The following RALYL variants were observed in gnomAD, a reference collection of about 807,000 sequenced individuals.
RALYL encodes RALY RNA binding protein like.
In RALYL, 29 loss-of-function variants were observed where a neutral mutation model predicts 35.1. The observed-to-expected ratio is 0.83, with a 90% CI of 0.61 to 1.13. The LOEUF (loss-of-function observed/expected upper bound fraction) is 1.13. Among genes scored for constraint, RALYL ranks in the 50% most tolerant of loss-of-function variants. RALYL has a pLI of 0.00. For missense variants in RALYL, 359 were observed against 360.4 expected, an observed-to-expected ratio of 1.00 and a Z score of 0.03; for synonymous variants, 120 against 127.6, an observed-to-expected ratio of 0.94 and a Z score of 0.40.
intron 1 of RALYL, among the ~76,000 whole-genome samples, chr8:84,243,573 G>A (rs2131592773): frequency 6.8e-6 from 1 of 146,538 alleles, no homozygotes; most frequent in Admixed American, 6.9e-5. Context: ...TTTCAATCTG[G>A]GAGGTATGCA....
intron 1 of RALYL, among the ~76,000 whole-genome samples, chr8:84,285,549 G>A (rs1169743561): frequency 6.6e-6 from 1 of 152,082 alleles, no homozygotes; most frequent in African/African-American, 2.4e-5. Flanking sequence ...AGGAGTACAG[G>A]GATGGTGGAG....
intron 1 of RALYL, among the ~76,000 whole-genome samples, chr8:84,460,134 T>C (rs532410443): frequency 6.6e-6 from 1 of 151,824 alleles, no homozygotes; most frequent in South Asian, 2.1e-4. Flanking sequence ...TATGAAAATC[T>C]TGAAAGGATA....
intron 1 of RALYL, among the ~76,000 whole-genome samples, chr8:84,225,358 G>A (rs553650325): frequency 2.6e-5 from 4 of 152,172 alleles, no homozygotes; most frequent in Admixed American, 6.5e-5. Context: ...CTTCCAAAAC[G>A]CAAATCAGAT....
chr8:84,378,916 G>C (rs547663755), intron 1 of RALYL, among the ~76,000 whole-genome samples: 2 of 151,794 alleles, frequency 1.3e-5, no homozygotes, highest in African/African-American at 4.8e-5. Flanking sequence ...TTCTAGTTCC[G>C]TATTTCTATA....
At chr8:84,376,599 C>G (rs1021508677) in intron 1 of RALYL, among the ~76,000 whole-genome samples, 1 of 151,634 alleles carries the variant, frequency 6.6e-6, no homozygotes, top group African/African-American at 2.4e-5. Context: ...CAAAACTGAG[C>G]CTCAAATTAC....
At chr8:84,882,685 G>A (rs533975607) in intron 7 of RALYL, among the ~76,000 whole-genome samples, 1 of 151,916 alleles carries the variant, frequency 6.6e-6, no homozygotes, top group African/African-American at 2.4e-5. Context: ...TAATAAAAAT[G>A]TTTCTGACCC....
At chr8:84,618,054 C>T (rs1258145858) in intron 2 of RALYL, among the ~76,000 whole-genome samples, 1 of 151,744 alleles carries the variant, frequency 6.6e-6, no homozygotes, top group African/African-American at 2.4e-5. Context: ...CTAAAATTCT[C>T]TTTTTTGGTT....
chr8:84,523,975 T>C (rs1282956318), intron 1 of RALYL, among the ~76,000 whole-genome samples: 7 of 152,136 alleles, frequency 4.6e-5, no homozygotes, highest in Non-Finnish European at 2.9e-5. Flanking sequence ...GCAATAAACA[T>C]ACATGTGCAT....
chr8:84,720,769 T>C (rs1464179208), intron 2 of RALYL, among the ~76,000 whole-genome samples: 7 of 151,910 alleles, frequency 4.6e-5, no homozygotes, highest in Non-Finnish European at 8.8e-5. Context: ...CCAAATTATA[T>C]GTAGAACTCA....
At position 84,372,886 on chromosome 8, in the gene RALYL, G is replaced by GTTTTTTTTTTTTTTT. The variant is rs76885544; in HGVS notation, c.-23-156398_-23-156384dup. ...TTTCTCCACAACCATGCCAGCATCTGTTTTTTTTTTTTTTTTTTTTTTTTT... is the reference window on the plus strand; with the variant it reads ...TTTCTCCACAACCATGCCAGCATCTGTTTTTTTTTTTTTTTTTTTTTTTTTTTTTTTTTTTTTTTT... On this transcript the variant is annotated intron_variant, in intron 1 of 8. Transcript: ENST00000521268. 7.8e-3 allele frequency among the ~76,000 whole-genome samples: 303 copies of GTTTTTTTTTTTTTTT among 39,078 alleles called. 18 individuals carry two copies. Among genetic ancestry groups the GTTTTTTTTTTTTTTT allele is most frequent in the Non-Finnish European group, 9.7e-3 (214 of 22,026 alleles). 25.6% of individuals were successfully genotyped at this position (39,078 alleles called of 152,430 possible).
intron 3 of RALYL, among the ~76,000 whole-genome samples, chr8:84,791,416 G>T (rs1476470290): frequency 6.6e-6 from 1 of 152,192 alleles, no homozygotes; most frequent in Non-Finnish European, 1.5e-5. Context: ...GATGTAAATG[G>T]AGGCACCAAA....
intron 2 of RALYL, among the ~76,000 whole-genome samples, chr8:84,689,216 T>C (rs1837489769): frequency 6.6e-6 from 1 of 152,164 alleles, no homozygotes; most frequent in Admixed American, 6.6e-5. Context: ...CTGCCAATGC[T>C]ATCCCTCCCC....
chr8:84,747,342 T>C (rs1808840936), intron 2 of RALYL, among the ~76,000 whole-genome samples: 1 of 151,872 alleles, frequency 6.6e-6, no homozygotes, highest in Admixed American at 6.6e-5. Flanking sequence ...AGATTCATCT[T>C]ACATGATTTT....
At chr8:84,733,101 A>G (rs1481036245) in intron 2 of RALYL, among the ~76,000 whole-genome samples, 1 of 152,130 alleles carries the variant, frequency 6.6e-6, no homozygotes, top group African/African-American at 2.4e-5. Flanking sequence ...ATAAAAGTGG[A>G]AAATGTGGCC....
In RALYL at chr8:84,850,045, C is replaced by T; in HGVS notation, c.413+18C>T. The T allele has an allele frequency of 2.2e-6, 3 of 1,386,470 alleles. No homozygotes were observed. The highest frequency in any genetic ancestry group is 2.9e-6 in the Non-Finnish European group (3 of 1,032,776). 85.9% of individuals were successfully genotyped at this position (1,386,470 alleles called of 1,614,324 possible). ...TACAATCGGTATGTGAATTTTTCAT[C>T]CTTGTTTTCCTATGACTTAAATTAT... On this transcript the variant is annotated intron_variant, in intron 5 of 8. Coordinates refer to ENST00000521268, the MANE Select transcript of RALYL (RefSeq NM_173848.7).
chr8:84,544,612 T>A (rs1254503969), intron 2 of RALYL, among the ~76,000 whole-genome samples: 2 of 151,984 alleles, frequency 1.3e-5, no homozygotes. Context: ...CTGCAGAAAA[T>A]AACCTGATGA....
At chr8:84,689,688 C>A (rs1837612464) in intron 2 of RALYL, among the ~76,000 whole-genome samples, 1 of 152,042 alleles carries the variant, frequency 6.6e-6, no homozygotes, top group Admixed American at 6.6e-5. Flanking sequence ...GTTTACAGTC[C>A]CACCAACAGT....
intron 2 of RALYL, among the ~76,000 whole-genome samples, chr8:84,559,740 G>A (rs562867217): frequency 2.0e-5 from 3 of 152,118 alleles, no homozygotes; most frequent in South Asian, 2.1e-4. Context: ...AGGGGCTCAG[G>A]TGGGAAAAAA....
intron 1 of RALYL, among the ~76,000 whole-genome samples, chr8:84,347,176 G>T (rs1426472546): frequency 5.9e-5 from 9 of 151,916 alleles, no homozygotes; most frequent in Non-Finnish European, 5.9e-5. Flanking sequence ...ACTCCAGCCT[G>T]GGTGACAGAG....
Sources: gnomAD v4.1 joint callset for allele counts (sites outside exome capture counted in the v4.1 genomes callset) on GRCh38, gnomAD v4.1.1 for gene constraint, MANE v1.5 for transcripts, NCBI Gene and HGNC (gene_info 2026-07-23, HGNC 2026-07-21) for gene names.